Variants in VSIG8 observed in about 807,000 individuals in gnomAD.
The protein encoded by VSIG8 is V-set and immunoglobulin domain containing 8, also known as V-set and immunoglobulin domain-containing protein 8.
VSIG8 carries 32 observed loss-of-function variants against 42.6 expected under a neutral mutation model. The ratio of observed to expected loss-of-function variants is 0.75; its 90% CI spans 0.57 to 1.01. VSIG8 has a LOEUF of 1.01. Among genes scored for constraint, VSIG8 ranks in the 50% least tolerant of loss-of-function variants. The pLI, the probability that VSIG8 is intolerant of heterozygous loss-of-function variation, is 0.00. For missense variants in VSIG8, 529 were observed against 558.0 expected (o/e 0.95, Z 0.52); for synonymous variants, 290 against 243.8 (o/e 1.19, Z -1.77).
chr1:159,862,432 A>G, intron 1 of VSIG8, 41 bp downstream of exon 1: 1 of 1,585,068 alleles, frequency 6.3e-7, no homozygotes, highest in Non-Finnish European at 8.6e-7. Flanking sequence ...CTTCCCACCT[A>G]GCCTCATGCT....
Position 159,857,872 on chromosome 1 carries a change from G to A in VSIG8, c.525C>T (p.Pro175=), listed in dbSNP as rs1158612963. The A allele has an allele frequency of 6.2e-7, 1 of 1,614,222 alleles. No homozygotes were observed. The highest frequency in any genetic ancestry group is 8.5e-7 in the Non-Finnish European group (1 of 1,180,042). The change falls in exon 4 of 7, where the codon CCC becomes CCT. Residue 175 remains proline, a synonymous_variant. Coordinates refer to ENST00000368100, the MANE Select transcript of VSIG8 (RefSeq NM_001013661.1). Reference sequence around the variant, plus strand: ...TGATCTTGGCCCACTTGTAGGAGAGGGGCTGGGAGCCCCCACTGGCATAGC... The same window carrying A: ...TGATCTTGGCCCACTTGTAGGAGAGAGGCTGGGAGCCCCCACTGGCATAGC... ...LKCYASGGSQ[P]LSYKWAKISG...
Position 159,862,475 on chromosome 1 carries a change from G to A in VSIG8, c.47C>T (p.Pro16Leu), listed in dbSNP as rs1649054074. The A allele has an allele frequency of 6.2e-7, 1 of 1,612,680 alleles. No homozygotes were observed. Among genetic ancestry groups the A allele is most frequent in the African/African-American group, 1.3e-5 (1 of 74,876 alleles). Residue 16 changes from proline (P) to leucine (L), a missense_variant and splice_region_variant, in exon 1 of 7, where the codon CCA becomes CTA. Pro to Leu is a moderately conservative substitution (Grantham distance 98). Coordinates refer to ENST00000368100, the MANE Select transcript of VSIG8 (RefSeq NM_001013661.1). ...CTGCCCCCTGCCCAGCCCCGTACCTGGGCTCAGGCACACGAGTAGAAGGTG... is the reference window on the plus strand; with the variant it reads ...CTGCCCCCTGCCCAGCCCCGTACCTAGGCTCAGGCACACGAGTAGAAGGTG... ...AFHLLLVCLS[P>L]ALLSAVRING...
At chr1:159,855,854 AGCAGCAT>A (rs1337308518) in intron 6 of VSIG8, 22 bp downstream of exon 6, 2 of 1,530,080 alleles carry the variant, frequency 1.3e-6, no homozygotes, top group Non-Finnish European at 1.7e-6. Flanking sequence ...CCTGCCGCAC[AGCAGCAT>A]GCAGCATGCA....
At chr1:159,856,362 G>A (rs1182221172) in intron 5 of VSIG8, among the ~76,000 whole-genome samples, 162 bp downstream of exon 5, 1 of 152,118 alleles carries the variant, frequency 6.6e-6, no homozygotes, top group Non-Finnish European at 1.5e-5. Context: ...GGTCAAGATC[G>A]TACCCACTGA....
intron 1 of VSIG8, among the ~76,000 whole-genome samples, chr1:159,859,642 C>T (rs1278239610): frequency 6.6e-6 from 1 of 152,090 alleles, no homozygotes; most frequent in Non-Finnish European, 1.5e-5. Context: ...TGACCAGGAG[C>T]CTGGCTGTGT....
In VSIG8 at chr1:159,854,945, G is replaced by C; in HGVS notation, c.1053C>G (p.Asn351Lys). 6.5e-7 allele frequency: 1 copy of C among 1,531,064 alleles called. No individual in the cohort carries two copies. Among genetic ancestry groups the C allele is most frequent in the Non-Finnish European group, 8.7e-7 (1 of 1,146,606 alleles). 94.8% of individuals were successfully genotyped at this position (1,531,064 alleles called of 1,614,324 possible). Residue 351 changes from asparagine to lysine, a missense_variant, in exon 7 of 7, where the codon AAC (asparagine) becomes AAG (lysine). Physicochemically the swap from Asn to Lys is moderately conservative, Grantham distance 94. Coordinates refer to ENST00000368100, the MANE Select transcript of VSIG8 (RefSeq NM_001013661.1). The part of the protein sequence containing the change: ...VTHLLGYPTQ[N>K]VSRSLRRKYA... The stretch of plus-strand genomic sequence containing the variant: ...ACTTGCGGCGCAGGGAGCGGCTGAC[G>C]TTCTGCGTCGGGTACCCCAGGAGGT...
Position 159,854,440 on chromosome 1 carries a change from G to T in VSIG8, c.*313C>A. ...CCCCGGGGCCCTCTGCTTAGGCTGG[G>T]GACACCAGGCCTCCGGCCTCAGCCG... is the stretch of plus-strand genomic sequence containing the variant. On this transcript the variant is annotated 3_prime_UTR_variant, in exon 7 of 7. Transcript: ENST00000368100. The T allele has an allele frequency of 2.6e-6, 1 of 380,836 alleles. No homozygotes were observed. The highest frequency in any genetic ancestry group is 4.5e-6 in the Non-Finnish European group (1 of 223,294). The allele number at this position is 380,836 out of a possible 1,614,324, so 23.6% of individuals were successfully genotyped here. A position where few individuals can be genotyped will look rare whatever the true frequency, so the allele number is the denominator to read the frequency against.
At chr1:159,856,770 C>CT in intron 4 of VSIG8, 127 bp from the exon 5 acceptor site, 1 of 1,094,192 alleles carries the variant, frequency 9.1e-7, no homozygotes, top group Non-Finnish European at 1.3e-6. Context: ...TACACCCACA[C>CT]CCACACACAC....
At chr1:159,857,432 A>C (rs2494502) in intron 4 of VSIG8, among the ~76,000 whole-genome samples, 1 of 151,986 alleles carries the variant, frequency 6.6e-6, no homozygotes, top group Non-Finnish European at 1.5e-5. Context: ...AAAATTAGCC[A>C]GGTGCGGTGG....
At chr1:159,855,509 ATAAGT>A in intron 6 of VSIG8, 1 of 985,150 alleles carries the variant, frequency 1.0e-6, no homozygotes, top group Non-Finnish European at 1.2e-6. Flanking sequence ...TGCTTCTAAT[ATAAGT>A]TATTAGCACT....
Position 159,855,453 on chromosome 1 carries a change from T to C in VSIG8, c.972-427A>G, listed in dbSNP as rs990006126. On this transcript the variant is annotated intron_variant, in intron 6 of 6. Coordinates refer to ENST00000368100, the MANE Select transcript of VSIG8 (RefSeq NM_001013661.1). ...ATCTTTCCCTCCATCCCCGAGGCAT[T>C]GCAATCATTAGCACTACTAGACTTG... is the stretch of plus-strand genomic sequence containing the variant. 1.6e-5 allele frequency: 23 copies of C among 1,414,730 alleles called. No individual in the cohort carries two copies. The African/African-American group carries it at 2.6e-4, about 16-fold the overall frequency. The allele number at this position is 1,414,730 out of a possible 1,614,324, so 87.6% of individuals were successfully genotyped here.
In VSIG8 at chr1:159,858,849, T is replaced by C; in HGVS notation, c.113A>G (p.Asp38Gly). The change falls in exon 2 of 7, where the codon GAT becomes GGT. Residue 38 changes from aspartate (D) to glycine (G), a missense_variant. Transcript: ENST00000368100. Reference sequence around the variant, plus strand: ...GTAGGGGCAGCCCAGCCTCACATTATCACCTTCTGCCAGGTACAGGACCTC... The same window carrying C: ...GTAGGGGCAGCCCAGCCTCACATTACCACCTTCTGCCAGGTACAGGACCTC... ...GQEVLYLAEG[D>G]NVRLGCPYVL... is the part of the protein sequence containing the mutation. 6.2e-7 allele frequency: 1 copy of C among 1,613,988 alleles called. No individual in the cohort carries two copies. The highest frequency in any genetic ancestry group is 8.5e-7 in the Non-Finnish European group (1 of 1,179,992).
chr1:159,855,331 A>G (rs1168523403), intron 6 of VSIG8: 1 of 1,498,466 alleles, frequency 6.7e-7, no homozygotes, highest in Admixed American at 2.2e-5. Flanking sequence ...TCGCAGGCCC[A>G]GAAGAAGGTG....
chr1:159,854,472 G>A lies in VSIG8; in HGVS notation c.*281C>T. 1.8e-6 allele frequency: 1 copy of A among 547,430 alleles called. No homozygotes were observed. The highest frequency in any genetic ancestry group is 2.0e-5 in the African/African-American group (1 of 50,108). 33.9% of individuals were successfully genotyped at this position (547,430 alleles called of 1,614,324 possible). A position where few individuals can be genotyped will look rare whatever the true frequency, so the allele number is the denominator to read the frequency against. On this transcript the variant is annotated 3_prime_UTR_variant, in exon 7 of 7. Coordinates refer to ENST00000368100, the MANE Select transcript of VSIG8 (RefSeq NM_001013661.1). Reference sequence around the variant, plus strand: ...AGGCCTCCGGCCTCAGCCGCTCTAGGACACTCAGCCTCCTCCTCCCTCCCT... The same window carrying A: ...AGGCCTCCGGCCTCAGCCGCTCTAGAACACTCAGCCTCCTCCTCCCTCCCT...
At chr1:159,862,435 C>T in intron 1 of VSIG8, 38 bp downstream of exon 1, 6 of 1,589,974 alleles carry the variant, frequency 3.8e-6, no homozygotes, top group Non-Finnish European at 5.1e-6. Flanking sequence ...CCCACCTAGC[C>T]TCATGCTGGC....
chr1:159,854,452 T>C lies in VSIG8; in HGVS notation c.*301A>G. On this transcript the variant is annotated 3_prime_UTR_variant, in exon 7 of 7. Coordinates refer to ENST00000368100, the MANE Select transcript of VSIG8 (RefSeq NM_001013661.1). ...CTGCTTAGGCTGGGGACACCAGGCC[T>C]CCGGCCTCAGCCGCTCTAGGACACT... The C allele has an allele frequency of 3.4e-6, 1 of 297,942 alleles. No individual in the cohort carries two copies. Among genetic ancestry groups the C allele is most frequent in the Non-Finnish European group, 5.6e-6 (1 of 178,240 alleles). 18.5% of individuals were successfully genotyped at this position (297,942 alleles called of 1,614,324 possible). A position where few individuals can be genotyped will look rare whatever the true frequency, so the allele number is the denominator to read the frequency against.
rs751215511 is a variant in VSIG8, at chr1:159,855,970, C to G, written c.884G>C (p.Gly295Ala). The change falls in exon 6 of 7, where the codon GGG (glycine) becomes GCG (alanine). Residue 295 changes from glycine to alanine, a missense_variant. Physicochemically the swap from Gly to Ala is moderately conservative, Grantham distance 60. Transcript: ENST00000368100. Reference protein sequence around the residue: ...GLVCCCCGGSGAGGARGAFGY... With the variant: ...GLVCCCCGGSAAGGARGAFGY... ...GAAGGCACCGCGGGCGCCGCCAGCC[C>G]CGGAGCCCCCGCAGCAGCAGCAGAC... The G allele has an allele frequency of 2.4e-5, 39 of 1,592,958 alleles. No homozygotes were observed. Among genetic ancestry groups the G allele is most frequent in the Non-Finnish European group, 3.2e-5 (37 of 1,170,424 alleles).
At chr1:159,855,514 T>G (rs1183845589) in intron 6 of VSIG8, 1 of 984,756 alleles carries the variant, frequency 1.0e-6, no homozygotes, top group Non-Finnish European at 1.2e-6. Flanking sequence ...CTAATATAAG[T>G]TATTAGCACT....
chr1:159,855,617 A>G, intron 6 of VSIG8: 2 of 981,598 alleles, frequency 2.0e-6, no homozygotes, highest in South Asian at 9.4e-5. Flanking sequence ...CCTGCCCTCC[A>G]GGAGCTTACA....
Sources: allele counts gnomAD v4.1 joint callset (sites outside exome capture counted in the v4.1 genomes callset), GRCh38; gene constraint gnomAD v4.1.1; transcripts MANE v1.5; gene names NCBI Gene and HGNC (gene_info 2026-07-23, HGNC 2026-07-21).